Variants in MAGI2 observed in about 807,000 individuals in gnomAD.
MAGI2 encodes membrane associated guanylate kinase, WW and PDZ domain containing 2.
A neutral mutation model predicts 133.3 loss-of-function variants in MAGI2; 35 were observed. The observed-to-expected ratio is 0.26, with a 90% CI of 0.20 to 0.35. MAGI2 has a LOEUF of 0.35. Among genes scored for constraint, MAGI2 ranks in the 10% least tolerant of loss-of-function variants. MAGI2 has a pLI of 1.00. For missense variants in MAGI2, 1,636 were observed against 1,863.4 expected (o/e 0.88, Z 2.25); for synonymous variants, 729 against 710.6 (o/e 1.03, Z -0.41).
chr7:78,333,487 A>G (rs764837966), intron 9 of MAGI2, among the ~76,000 whole-genome samples: 2 of 152,224 alleles, frequency 1.3e-5, no homozygotes, highest in Non-Finnish European at 2.9e-5. Context: ...TGATCCAAAG[A>G]GTAGAAAAGT....
Position 78,581,323 on chromosome 7 carries a change from G to T in MAGI2, c.538+45797C>A, listed in dbSNP as rs148974424. On this transcript the variant is annotated intron_variant, in intron 3 of 21. Transcript: ENST00000354212. ...CTTCTCTCCAAGGGAGTTGCTTCTT[G>T]ATGCTATCAGGGCCATTTTATACAT... is the stretch of plus-strand genomic sequence containing the variant. Among the ~76,000 whole-genome samples the T allele has an allele frequency of 5.4e-4, 82 of 152,288 alleles. 1 individual carries two copies. Among genetic ancestry groups the T allele is most frequent in the African/African-American group, 1.9e-3 (79 of 41,556 alleles).
chr7:78,582,646 G>A (rs1802956034), intron 3 of MAGI2, among the ~76,000 whole-genome samples: 1 of 152,160 alleles, frequency 6.6e-6, no homozygotes, highest in Admixed American at 6.5e-5. Flanking sequence ...AGAAGCACCT[G>A]CATTTGACTG....
chr7:78,975,851 A>G (rs1234736199), intron 2 of MAGI2, among the ~76,000 whole-genome samples: 8 of 151,694 alleles, frequency 5.3e-5, no homozygotes, highest in South Asian at 4.1e-4. Context: ...TACTGATTGC[A>G]TGAAGATTGA....
intron 6 of MAGI2, among the ~76,000 whole-genome samples, chr7:78,487,987 C>T (rs114035982): frequency 2.0e-5 from 3 of 151,982 alleles, no homozygotes; most frequent in Non-Finnish European, 4.4e-5. Flanking sequence ...CCTAAAAGCA[C>T]TTTTCTTGGC....
chr7:78,531,190 T>G (rs1797436569), intron 3 of MAGI2, among the ~76,000 whole-genome samples: 1 of 151,964 alleles, frequency 6.6e-6, no homozygotes, highest in Non-Finnish European at 1.5e-5. Flanking sequence ...TTTGCAATTG[T>G]GTTATTAATG....
chr7:78,574,610 G>C (rs1296559293), intron 3 of MAGI2, among the ~76,000 whole-genome samples: 1 of 152,186 alleles, frequency 6.6e-6, no homozygotes, highest in Admixed American at 6.5e-5. Context: ...GTTAGATCTT[G>C]ATGCTGGATA....
intron 9 of MAGI2, among the ~76,000 whole-genome samples, chr7:78,322,795 A>G (rs180774456): frequency 6.6e-6 from 1 of 152,286 alleles, no homozygotes; most frequent in East Asian, 1.9e-4. Context: ...ACTTATGATG[A>G]AAATGTGTTG....
At chr7:78,897,105 C>T (rs908896349) in intron 2 of MAGI2, among the ~76,000 whole-genome samples, 5 of 152,124 alleles carry the variant, frequency 3.3e-5, no homozygotes, top group Admixed American at 2.6e-4. Context: ...ACAATACAGC[C>T]CAATGCATTT....
Position 79,453,340 on chromosome 7 carries a change from T to A in MAGI2, c.-20A>T. ...GGACATGGCAGTGGGGCGAGTCGCC[T>A]CAGTTCCTGGGCTCCTTGGGGTTAG... is the stretch of plus-strand genomic sequence containing the variant. On this transcript the variant is annotated 5_prime_UTR_variant, in exon 1 of 22. Transcript: ENST00000354212. 1 of 1,588,996 alleles carries A rather than the reference T, an allele frequency of 6.3e-7. No individual in the cohort carries two copies. The highest frequency in any genetic ancestry group is 8.6e-7 in the Non-Finnish European group (1 of 1,166,656).
At chr7:79,353,240 G>A (rs1046849431) in intron 1 of MAGI2, among the ~76,000 whole-genome samples, 3 of 152,018 alleles carry the variant, frequency 2.0e-5, no homozygotes, top group Non-Finnish European at 2.9e-5. Flanking sequence ...AGAGTCTAGG[G>A]AGCACTTCCA....
At chr7:79,244,583 T>C (rs916235082) in intron 1 of MAGI2, among the ~76,000 whole-genome samples, 2 of 152,114 alleles carry the variant, frequency 1.3e-5, no homozygotes, top group Admixed American at 6.6e-5. Context: ...CAGAGGGGAA[T>C]TGCCTATCCC....
intron 1 of MAGI2, among the ~76,000 whole-genome samples, chr7:79,076,409 A>G (rs1413464100): frequency 6.6e-6 from 1 of 152,246 alleles, no homozygotes; most frequent in Non-Finnish European, 1.5e-5. Context: ...CTACATTTCC[A>G]TCAATTGTCT....
intron 10 of MAGI2, among the ~76,000 whole-genome samples, chr7:78,244,902 G>T (rs1791597189): frequency 6.6e-6 from 1 of 152,114 alleles, no homozygotes; most frequent in Admixed American, 6.5e-5. Context: ...GAATTGAGGG[G>T]TATTTCCTTA....
intron 14 of MAGI2, among the ~76,000 whole-genome samples, chr7:78,177,416 G>GCGCACACACACACACA (rs777521042): frequency 8.1e-5 from 6 of 73,682 alleles, no homozygotes; most frequent in African/African-American, 2.6e-4. Flanking sequence ...CTGTGAATAC[G>GCGCACACACACACACA]CGCACACACA....
rs1461540730 is a variant in MAGI2 at position 79,030,560 on chromosome 7, G to C, written c.302-23354C>G. 2.0e-5 allele frequency among the ~76,000 whole-genome samples: 3 copies of C among 152,276 alleles called. No homozygotes were observed. The East Asian group carries it at 5.8e-4, about 29-fold the overall frequency. ...ATTGTGAATTTGGGACTAAAAATAA[G>C]AAAGCAGATGCAAACATGCTAAATG... is the stretch of plus-strand genomic sequence containing the variant. On this transcript the variant is annotated intron_variant, in intron 1 of 21. Transcript: ENST00000354212.
chr7:78,726,628 A>G (rs1820836482), intron 2 of MAGI2, among the ~76,000 whole-genome samples: 1 of 152,220 alleles, frequency 6.6e-6, no homozygotes, highest in South Asian at 2.1e-4. Context: ...TTTTAAAGGA[A>G]TAAATGGTTT....
intron 5 of MAGI2, among the ~76,000 whole-genome samples, chr7:78,491,756 C>G (rs1438185902): frequency 6.6e-6 from 1 of 151,880 alleles, no homozygotes; most frequent in Non-Finnish European, 1.5e-5. Context: ...CTTGAGGATG[C>G]AGGTTCTGAC....
intron 10 of MAGI2, among the ~76,000 whole-genome samples, chr7:78,202,820 C>T (rs1447310459): frequency 6.6e-6 from 1 of 151,616 alleles, no homozygotes; most frequent in Non-Finnish European, 1.5e-5. Context: ...AGCTCTCTTT[C>T]TGTCTTACAT....
chr7:78,796,495 G>A (rs1563516261), intron 2 of MAGI2, among the ~76,000 whole-genome samples: 1 of 152,112 alleles, frequency 6.6e-6, no homozygotes, highest in Non-Finnish European at 1.5e-5. Context: ...GCCAATGTTG[G>A]TGAGGATGTA....
Sources: allele counts gnomAD v4.1 joint callset (sites outside exome capture counted in the v4.1 genomes callset), GRCh38; gene constraint gnomAD v4.1.1; transcripts MANE v1.5; gene names NCBI Gene and HGNC (gene_info 2026-07-23, HGNC 2026-07-21).